The following PRR16 variants were observed in gnomAD, a reference collection of about 807,000 sequenced individuals.
The protein encoded by PRR16 is proline rich 16, also known as protein Largen.
Under a neutral mutation model 18.2 loss-of-function variants are expected in PRR16, and 6 were observed. The ratio of observed to expected loss-of-function variants is 0.33; its 90% CI spans 0.18 to 0.65. PRR16 has a LOEUF of 0.65. Among genes scored for constraint, PRR16 ranks in the 30% least tolerant of loss-of-function variants. The probability of loss-of-function intolerance (pLI) is 0.74; values close to 1 mark genes in which losing one functional copy is unlikely to be tolerated. For missense variants in PRR16, 412 were observed against 376.6 expected (o/e 1.09, Z -0.78); for synonymous variants, 151 against 147.8 (o/e 1.02, Z -0.16).
At chr5:120,572,113 T>C (rs1427085110) in intron 1 of PRR16, among the ~76,000 whole-genome samples, 1 of 152,160 alleles carries the variant, frequency 6.6e-6, no homozygotes, top group Non-Finnish European at 1.5e-5. Flanking sequence ...GGCATATTCT[T>C]TGTCTCGTAC....
chr5:120,718,751 AATGAGTTATG>A, the PRR16 span, among the ~76,000 whole-genome samples: 1 of 152,112 alleles, frequency 6.6e-6, no homozygotes. Flanking sequence ...CTCTCCTACC[AATGAGTTATG>A]AGGGTTCAGC....
intron 1 of PRR16, among the ~76,000 whole-genome samples, chr5:120,506,341 T>C (rs903988924): frequency 3.9e-4 from 60 of 152,246 alleles, no homozygotes; most frequent in African/African-American, 1.4e-3. Flanking sequence ...TATTAAAATA[T>C]ATTGAAATGT....
chr5:120,612,601 G>T (rs1416372036), intron 1 of PRR16, among the ~76,000 whole-genome samples: 1 of 152,098 alleles, frequency 6.6e-6, no homozygotes, highest in East Asian at 1.9e-4. Context: ...CATGTAAGAA[G>T]TGTCTTTTGG....
chr5:120,698,571 A>T, the PRR16 span, among the ~76,000 whole-genome samples: 3 of 149,824 alleles, frequency 2.0e-5, no homozygotes, highest in Non-Finnish European at 4.4e-5. Flanking sequence ...GTATGACTAG[A>T]CAGAAGATAG....
At chr5:120,622,965 A>G (rs1308858520) in intron 1 of PRR16, among the ~76,000 whole-genome samples, 2 of 152,208 alleles carry the variant, frequency 1.3e-5, no homozygotes, top group Admixed American at 6.6e-5. Flanking sequence ...TTTTCTACTT[A>G]TAAACACAAC....
At chr5:120,627,288 C>T (rs1754899374) in intron 1 of PRR16, among the ~76,000 whole-genome samples, 1 of 152,116 alleles carries the variant, frequency 6.6e-6, no homozygotes, top group Admixed American at 6.6e-5. Flanking sequence ...GTACATGATC[C>T]TGCTATGCTG....
At chr5:120,549,405 C>T (rs1271651065) in intron 1 of PRR16, among the ~76,000 whole-genome samples, 41 of 151,988 alleles carry the variant, frequency 2.7e-4, no homozygotes, top group Admixed American at 2.4e-3. Context: ...TTAAAAGAGA[C>T]ACTTGTTAGA....
intron 1 of PRR16, among the ~76,000 whole-genome samples, chr5:120,669,331 T>A (rs528043618): frequency 1.3e-5 from 2 of 152,172 alleles, no homozygotes; most frequent in South Asian, 4.1e-4. Context: ...CATAGTTCCC[T>A]GCTTGATGGT....
At chr5:120,765,953 C>CTGTA in the PRR16 span, among the ~76,000 whole-genome samples, 1 of 151,958 alleles carries the variant, frequency 6.6e-6, no homozygotes, top group Non-Finnish European at 1.5e-5. Flanking sequence ...ATTCTCACTG[C>CTGTA]TGTATACTAC....
At chr5:120,591,207 A>G (rs1753624330) in intron 1 of PRR16, among the ~76,000 whole-genome samples, 1 of 152,050 alleles carries the variant, frequency 6.6e-6, no homozygotes, top group Non-Finnish European at 1.5e-5. Flanking sequence ...TGAACCTGGG[A>G]GGTGGAGGTT....
At chr5:120,741,401 A>C in the PRR16 span, among the ~76,000 whole-genome samples, 87 of 152,240 alleles carry the variant, frequency 5.7e-4, no homozygotes, top group East Asian at 0.015. Context: ...AACCATATCT[A>C]TCATCTATAA....
chr5:120,653,954 A>C (rs752311964), intron 1 of PRR16, among the ~76,000 whole-genome samples: 2 of 152,056 alleles, frequency 1.3e-5, no homozygotes, highest in African/African-American at 2.4e-5. Flanking sequence ...ATTGTCCCTT[A>C]ACAAATTACT....
intron 1 of PRR16, among the ~76,000 whole-genome samples, chr5:120,599,102 G>A (rs59097257): frequency 0.051 from 7,690 of 151,546 alleles, 482 homozygotes; most frequent in African/African-American, 0.15. Context: ...ACCTATTATT[G>A]TCTTGCTTTG....
the PRR16 span, among the ~76,000 whole-genome samples, chr5:120,788,130 CATATT>C: frequency 2.6e-5 from 4 of 151,948 alleles, no homozygotes; most frequent in African/African-American, 4.8e-5. Flanking sequence ...TTCATTTTAA[CATATT>C]ATATTTACAT....
chr5:120,590,104 G>T (rs569964582), intron 1 of PRR16, among the ~76,000 whole-genome samples: 1 of 152,232 alleles, frequency 6.6e-6, no homozygotes, highest in African/African-American at 2.4e-5. Context: ...ACATTTAGCT[G>T]TAAGAGTAGT....
chr5:120,478,625 G>A lies in PRR16; in HGVS notation c.159+13980G>A, dbSNP rs573069182. On this transcript the variant is annotated intron_variant, in intron 1 of 1. Coordinates refer to ENST00000407149, the MANE Select transcript of PRR16 (RefSeq NM_001300783.2). The stretch of plus-strand genomic sequence containing the variant: ...CATTTTGTCTATGTAAACCCTAAAC[G>A]TGGCCTGTAATCTCAGGATTTCATC... 1.3e-4 allele frequency among the ~76,000 whole-genome samples: 20 copies of A among 152,200 alleles called. 1 individual carries two copies. Among genetic ancestry groups the A allele is most frequent in the Middle Eastern group, 3.4e-3 (1 of 294 alleles).
intron 1 of PRR16, among the ~76,000 whole-genome samples, chr5:120,650,639 C>A (rs565164390): frequency 2.6e-5 from 4 of 152,142 alleles, no homozygotes; most frequent in Non-Finnish European, 4.4e-5. Flanking sequence ...TCATCCATGT[C>A]CCTACAAAGG....
intron 1 of PRR16, among the ~76,000 whole-genome samples, chr5:120,625,103 G>A (rs1436380677): frequency 6.6e-6 from 1 of 152,064 alleles, no homozygotes; most frequent in East Asian, 1.9e-4. Context: ...GACTAATACA[G>A]CTACATAATT....
At chr5:120,631,267 G>A (rs917660786) in intron 1 of PRR16, among the ~76,000 whole-genome samples, 15 of 152,108 alleles carry the variant, frequency 9.9e-5, no homozygotes, top group African/African-American at 3.1e-4. Context: ...AGCAGCTTGT[G>A]GAGACTTACA....
Sources: gnomAD v4.1 joint callset for allele counts (sites outside exome capture counted in the v4.1 genomes callset) on GRCh38, gnomAD v4.1.1 for gene constraint, MANE v1.5 for transcripts, NCBI Gene and HGNC (gene_info 2026-07-23, HGNC 2026-07-21) for gene names.